MFSD1: variants seen among roughly 807,000 people sequenced by gnomAD.
The protein encoded by MFSD1 is lysosomal dipeptide transporter MFSD1.
A neutral mutation model predicts 67.1 loss-of-function variants in MFSD1; 59 were observed. The ratio of observed to expected loss-of-function variants is 0.88; its 90% CI spans 0.71 to 1.09. The LOEUF is 1.09. MFSD1 is among the 50% of genes least tolerant of loss of function. The probability of loss-of-function intolerance (pLI) is 0.00; values close to 1 mark genes in which losing one functional copy is unlikely to be tolerated. For missense variants in MFSD1, 552 were observed against 566.1 expected (o/e 0.97, Z 0.25); for synonymous variants, 213 against 200.3 (o/e 1.06, Z -0.54).
intron 1 of MFSD1, 151 bp downstream of exon 1, chr3:158,802,466 G>A: frequency 1.1e-6 from 1 of 917,658 alleles, no homozygotes; most frequent in Non-Finnish European, 1.7e-6. Context: ...CTTTGCGATC[G>A]ATTCCAGCCA....
intron 7 of MFSD1, among the ~76,000 whole-genome samples, chr3:158,819,212 G>A (rs573414888): frequency 1.5e-3 from 221 of 152,208 alleles, no homozygotes; most frequent in Non-Finnish European, 2.4e-3. Flanking sequence ...AGCGAAGGCC[G>A]TGGACTCTGG....
At chr3:158,827,696 G>A (rs969015188) in intron 15 of MFSD1, among the ~76,000 whole-genome samples, 13 of 152,190 alleles carry the variant, frequency 8.5e-5, no homozygotes, top group Non-Finnish European at 1.5e-4. Flanking sequence ...GATTACAGAT[G>A]TGAGCCACTG....
chr3:158,816,371 T>C (rs1198545718), intron 7 of MFSD1, among the ~76,000 whole-genome samples: 2 of 152,236 alleles, frequency 1.3e-5, no homozygotes, highest in African/African-American at 4.8e-5. Context: ...TGGTATCTCA[T>C]TGTGGTTTTG....
In MFSD1 at chr3:158,802,233, T is replaced by C. The variant is rs2108198508; in HGVS notation, c.81T>C (p.Pro27=). The change falls in exon 1 of 16, where the codon CCT becomes CCC. Residue 27 remains proline, a synonymous_variant. Coordinates refer to ENST00000415822, the MANE Select transcript of MFSD1 (RefSeq NM_022736.4). ...DEADRGAPAA[P]GALPALCDPS... ...CCGACAGAGGTGCCCCGGCCGCCCC[T>C]GGAGCCCTGCCGGCCCTCTGCGACC... 5 of 1,611,150 alleles carry C rather than the reference T, an allele frequency of 3.1e-6. No homozygotes were observed. Among genetic ancestry groups the C allele is most frequent in the Non-Finnish European group, 3.4e-6 (4 of 1,178,934 alleles).
In MFSD1 at chr3:158,802,119, C is replaced by G. The variant is rs1269834753; in HGVS notation, c.-34C>G. The G allele has an allele frequency of 1.2e-6, 2 of 1,608,686 alleles. No individual in the cohort carries two copies. The highest frequency in any genetic ancestry group is 4.5e-5 in the East Asian group (2 of 44,770). ...GCTTCCTGCCTGGGTTTGGAGTTGT[C>G]ACCACTTTCCCCTCTCCGTCTCCTG... On this transcript the variant is annotated 5_prime_UTR_variant, in exon 1 of 16. Coordinates refer to ENST00000415822, the MANE Select transcript of MFSD1 (RefSeq NM_022736.4).
chr3:158,805,916 T>C (rs1347612207), intron 3 of MFSD1, among the ~76,000 whole-genome samples: 2 of 152,212 alleles, frequency 1.3e-5, no homozygotes, highest in Non-Finnish European at 2.9e-5. Context: ...ATAGGTAGTA[T>C]GTGCTTCCTC....
chr3:158,826,048 T>G lies in MFSD1; in HGVS notation c.1322T>G (p.Val441Gly). 1 of 1,613,612 alleles carries G rather than the reference T, an allele frequency of 6.2e-7. No homozygotes were observed. The highest frequency in any genetic ancestry group is 8.5e-7 in the Non-Finnish European group (1 of 1,179,594). The change falls in exon 14 of 16, where the codon GTG (valine) becomes GGG (glycine). Residue 441 changes from valine (V) to glycine (G), a missense_variant. Physicochemically the swap from Val to Gly is moderately radical, Grantham distance 109. Transcript: ENST00000415822. The stretch of plus-strand genomic sequence containing the variant: ...TTATCTGTGGTCTTACTCTATTTGG[T>G]GAATCGTGCCCAGGGTAAGTAGAAG... ...SLLSVVLLYL[V>G]NRAQGGNLNY...
At chr3:158,807,529 T>C in intron 5 of MFSD1, 66 bp downstream of exon 5, 1 of 1,323,120 alleles carries the variant, frequency 7.6e-7, no homozygotes, top group South Asian at 1.2e-5. Flanking sequence ...ATGAAAGATC[T>C]TTAAAAAACC....
At chr3:158,821,779 A>G (rs191012716) in intron 10 of MFSD1, 126 bp downstream of exon 10, 28 of 971,662 alleles carry the variant, frequency 2.9e-5, no homozygotes, top group Non-Finnish European at 4.1e-5. Flanking sequence ...CTGGGACTAC[A>G]TTGGGACTTG....
Position 158,821,650 on chromosome 3 carries a change from A to G in MFSD1, c.917A>G (p.Asn306Ser), listed in dbSNP as rs1260186188. ...TCTTCCCAGGCAGCAAGTGCAATTAACAGGTATTTTAAAATTAATTTTGTA... is the reference window on the plus strand; with the variant it reads ...TCTTCCCAGGCAGCAAGTGCAATTAGCAGGTATTTTAAAATTAATTTTGTA... Reference protein sequence around the residue: ...GFSSQAASAINSVVYVISAPM... With the variant: ...GFSSQAASAISSVVYVISAPM... The change falls in exon 10 of 16, where the codon AAC becomes AGC. Residue 306 changes from asparagine (N) to serine (S), a missense_variant. Asn to Ser is a conservative substitution (Grantham distance 46). Coordinates refer to ENST00000415822, the MANE Select transcript of MFSD1 (RefSeq NM_022736.4). 6.2e-7 allele frequency: 1 copy of G among 1,606,538 alleles called. No homozygotes were observed. The highest frequency in any genetic ancestry group is 1.1e-5 in the South Asian group (1 of 89,750).
intron 8 of MFSD1, 74 bp from the exon 9 acceptor site, chr3:158,820,140 AT>A: frequency 1.3e-6 from 1 of 760,810 alleles, no homozygotes; most frequent in Non-Finnish European, 2.2e-6. Flanking sequence ...ATTTTAAAAA[AT>A]AATCTTGACT....
intron 13 of MFSD1, chr3:158,825,407 G>C (rs1459689222): frequency 6.6e-6 from 1 of 152,202 alleles, no homozygotes; most frequent in African/African-American, 2.4e-5. Context: ...CGCTCCTCCT[G>C]CCTTTGGGAT....
At chr3:158,815,102 A>ACAAC (rs999582116) in intron 7 of MFSD1, among the ~76,000 whole-genome samples, 4 of 152,174 alleles carry the variant, frequency 2.6e-5, no homozygotes, top group African/African-American at 9.6e-5. Context: ...AAACAAAAAA[A>ACAAC]CAACCAACCA....
intron 7 of MFSD1, 197 bp from the exon 8 acceptor site, chr3:158,819,452 A>G: frequency 2.3e-6 from 1 of 434,498 alleles, no homozygotes; most frequent in Non-Finnish European, 4.1e-6. Context: ...AGTAAAAGCT[A>G]CTACTGTTTG....
chr3:158,821,271 G>A (rs1262072829), intron 9 of MFSD1, among the ~76,000 whole-genome samples: 4 of 152,124 alleles, frequency 2.6e-5, no homozygotes, highest in Admixed American at 2.6e-4. Flanking sequence ...TTATTATTTA[G>A]CAAAGAACCC....
In MFSD1 at chr3:158,814,563, C is replaced by T. The variant is rs570367015; in HGVS notation, c.652+496C>T. Among the ~76,000 whole-genome samples the T allele has an allele frequency of 3.0e-4, 45 of 152,136 alleles. No homozygotes were observed. In the East Asian group the frequency reaches 4.7e-3, roughly 16 times the overall value. On this transcript the variant is annotated intron_variant, in intron 7 of 15. Coordinates refer to ENST00000415822, the MANE Select transcript of MFSD1 (RefSeq NM_022736.4). ...CTCGAACTCCTGACCTCAGGGGATC[C>T]GCTCACTTCTGCCTCCCAGAGTGCT...
intron 9 of MFSD1, among the ~76,000 whole-genome samples, chr3:158,820,991 A>G (rs1730640994): frequency 6.6e-6 from 1 of 152,134 alleles, no homozygotes; most frequent in South Asian, 2.1e-4. Flanking sequence ...TTCCCTCTTT[A>G]TTCCTTGGTT....
intron 13 of MFSD1, chr3:158,825,202 A>G (rs990166052): frequency 6.6e-6 from 1 of 152,170 alleles, no homozygotes; most frequent in African/African-American, 2.4e-5. Context: ...TCTGTCACCC[A>G]GACTGGAATG....
In MFSD1 at chr3:158,809,167, T is replaced by TC; in HGVS notation, c.441-12_441-11insC. Reference sequence around the variant, plus strand: ...TGTGACTTCTGGTTTTTTTTTTTTTTTCTATTTTTAGGATTGGTGGCGAGT... The same window carrying TC: ...TGTGACTTCTGGTTTTTTTTTTTTTTCTCTATTTTTAGGATTGGTGGCGAGT... On this transcript the variant is annotated splice_polypyrimidine_tract_variant and intron_variant, in intron 5 of 15. Coordinates refer to ENST00000415822, the MANE Select transcript of MFSD1 (RefSeq NM_022736.4). 1.3e-6 allele frequency: 2 copies of TC among 1,546,990 alleles called. No individual in the cohort carries two copies. Among genetic ancestry groups the TC allele is most frequent in the Non-Finnish European group, 1.7e-6 (2 of 1,152,206 alleles).
Sources: gnomAD v4.1 joint callset for allele counts (sites outside exome capture counted in the v4.1 genomes callset) on GRCh38, gnomAD v4.1.1 for gene constraint, MANE v1.5 for transcripts, NCBI Gene and HGNC (gene_info 2026-07-23, HGNC 2026-07-21) for gene names.